The following EIPR1 variants were observed in gnomAD, a reference collection of about 807,000 sequenced individuals.
EIPR1 encodes EARP and GARP complex-interacting protein 1.
A neutral mutation model predicts 48.1 loss-of-function variants in EIPR1; 25 were observed. The ratio of observed to expected loss-of-function variants is 0.52; its 90% CI spans 0.38 to 0.73. The LOEUF (loss-of-function observed/expected upper bound fraction) is 0.73. Among genes scored for constraint, EIPR1 ranks in the 30% least tolerant of loss-of-function variants. The pLI, the probability that EIPR1 is intolerant of heterozygous loss-of-function variation, is 0.00. For synonymous variants in EIPR1, 204 were observed against 201.9 expected, an observed-to-expected ratio of 1.01 and a Z score of -0.09; for missense variants, 415 against 506.2, an observed-to-expected ratio of 0.82 and a Z score of 1.73.
At chr2:3,367,618 C>A (rs1263651065) in intron 1 of EIPR1, among the ~76,000 whole-genome samples, 1 of 152,166 alleles carries the variant, frequency 6.6e-6, no homozygotes, top group Non-Finnish European at 1.5e-5. Context: ...ATTCCACAAT[C>A]AAGTGGAATT....
At chr2:3,367,291 A>G (rs1337484306) in intron 1 of EIPR1, among the ~76,000 whole-genome samples, 4 of 152,224 alleles carry the variant, frequency 2.6e-5, no homozygotes, top group Non-Finnish European at 5.9e-5. Flanking sequence ...CAGGGAATAA[A>G]TATTTGTTCA....
At chr2:3,268,693 G>A (rs566290628) in intron 3 of EIPR1, among the ~76,000 whole-genome samples, 1 of 152,314 alleles carries the variant, frequency 6.6e-6, no homozygotes, top group African/African-American at 2.4e-5. Context: ...CGCGCAAGGG[G>A]CCTGTTGACC....
chr2:3,239,532 G>A (rs1016501561), intron 4 of EIPR1, among the ~76,000 whole-genome samples: 8 of 152,228 alleles, frequency 5.3e-5, no homozygotes, highest in Non-Finnish European at 1.2e-4. Flanking sequence ...TCGTGCGTCT[G>A]CTCTGCATGG....
chr2:3,270,838 G>A (rs1295459013), intron 3 of EIPR1, among the ~76,000 whole-genome samples: 1 of 152,188 alleles, frequency 6.6e-6, no homozygotes, highest in East Asian at 1.9e-4. Flanking sequence ...AGATAACAAT[G>A]AAGTTTCTGC....
chr2:3,283,927 C>G (rs1329146188), intron 3 of EIPR1, among the ~76,000 whole-genome samples: 1 of 102,852 alleles, frequency 9.7e-6, no homozygotes, highest in African/African-American at 3.8e-5. Flanking sequence ...GCCTGGGTGA[C>G]AAAGCGAGAC....
intron 3 of EIPR1, among the ~76,000 whole-genome samples, chr2:3,311,719 C>T (rs546658011): frequency 1.3e-5 from 2 of 149,316 alleles, no homozygotes; most frequent in African/African-American, 2.5e-5. Flanking sequence ...CCTCCAGTCA[C>T]GAGGTGTGGG....
At chr2:3,232,608 C>T (rs892572490) in intron 4 of EIPR1, among the ~76,000 whole-genome samples, 6 of 152,056 alleles carry the variant, frequency 3.9e-5, no homozygotes, top group African/African-American at 1.2e-4. Context: ...GTGCATCATC[C>T]GTCTTTTGCC....
chr2:3,307,555 C>T (rs1313313262), intron 3 of EIPR1, among the ~76,000 whole-genome samples: 2 of 152,232 alleles, frequency 1.3e-5, no homozygotes, highest in African/African-American at 2.4e-5. Context: ...ACAAGAGCCC[C>T]GCCCTGCCCA....
intron 1 of EIPR1, among the ~76,000 whole-genome samples, chr2:3,365,892 G>A (rs1043391861): frequency 8.6e-5 from 13 of 151,954 alleles, no homozygotes; most frequent in African/African-American, 1.2e-4. Flanking sequence ...ACACAGACAC[G>A]GCAACCATCC....
chr2:3,366,357 A>G (rs1019624942), intron 1 of EIPR1, among the ~76,000 whole-genome samples: 1 of 152,196 alleles, frequency 6.6e-6, no homozygotes, highest in Admixed American at 6.5e-5. Context: ...GCAGAACTCA[A>G]AGAAGATATG....
At chr2:3,256,740 C>T (rs747300258) in intron 4 of EIPR1, among the ~76,000 whole-genome samples, 22 of 152,172 alleles carry the variant, frequency 1.4e-4, no homozygotes, top group African/African-American at 3.6e-4. Context: ...CTGTGACTGC[C>T]GTGGAGAGGT....
At chr2:3,278,235 ACCTGCATC>A (rs970081534) in intron 3 of EIPR1, among the ~76,000 whole-genome samples, 13 of 152,158 alleles carry the variant, frequency 8.5e-5, no homozygotes, top group South Asian at 6.2e-4. Flanking sequence ...GGCAAAGGCC[ACCTGCATC>A]CCTGCATCCT....
At position 3,196,867 on chromosome 2, in the gene EIPR1, G is replaced by T; in HGVS notation, c.653+14C>A. On this transcript the variant is annotated intron_variant, in intron 6 of 8. Coordinates refer to ENST00000382125, the MANE Select transcript of EIPR1 (RefSeq NM_003310.5). ...GGAAAGGAAGTGGGGCCTGCGCCGG[G>T]TGGGCTCACTGACCTCATGCTCCGG... 1 of 1,612,702 alleles carries T rather than the reference G, an allele frequency of 6.2e-7. No homozygotes were observed. The highest frequency in any genetic ancestry group is 2.2e-5 in the East Asian group (1 of 44,862).
At chr2:3,234,705 A>T (rs1328162969) in intron 4 of EIPR1, among the ~76,000 whole-genome samples, 1 of 152,280 alleles carries the variant, frequency 6.6e-6, no homozygotes, top group African/African-American at 2.4e-5. Context: ...AAGCGGCAGC[A>T]TTCACAAAAC....
At chr2:3,284,523 C>T (rs1398793334) in intron 3 of EIPR1, among the ~76,000 whole-genome samples, 8 of 152,402 alleles carry the variant, frequency 5.2e-5, no homozygotes, top group African/African-American at 1.7e-4. Flanking sequence ...GTGCAGACCA[C>T]GGACAGTGGT....
intron 4 of EIPR1, among the ~76,000 whole-genome samples, chr2:3,238,418 G>A (rs1666486197): frequency 6.6e-6 from 1 of 152,186 alleles, no homozygotes. Context: ...CCATCCCAGA[G>A]CCCTGGGCTG....
intron 2 of EIPR1, among the ~76,000 whole-genome samples, chr2:3,341,565 T>G (rs143788643): frequency 6.7e-6 from 1 of 150,030 alleles, no homozygotes; most frequent in Non-Finnish European, 1.5e-5. Context: ...GGGGTGTGAG[T>G]GTGAGGCAGG....
intron 5 of EIPR1, among the ~76,000 whole-genome samples, chr2:3,205,652 C>T (rs1008080040): frequency 4.6e-5 from 7 of 152,188 alleles, no homozygotes; most frequent in East Asian, 1.9e-4. Flanking sequence ...TTGAGAATGC[C>T]GATGACACCT....
intron 1 of EIPR1, among the ~76,000 whole-genome samples, chr2:3,372,662 C>A (rs971420713): frequency 1.3e-5 from 2 of 152,282 alleles, no homozygotes; most frequent in East Asian, 3.9e-4. Flanking sequence ...CACATACACT[C>A]TCCCAAGACT....
Sources: gnomAD v4.1 joint callset for allele counts (sites outside exome capture counted in the v4.1 genomes callset) on GRCh38, gnomAD v4.1.1 for gene constraint, MANE v1.5 for transcripts, NCBI Gene and HGNC (gene_info 2026-07-23, HGNC 2026-07-21) for gene names.